Variants in PCDHGA1 observed in about 807,000 individuals in gnomAD.
PCDHGA1 encodes protocadherin gamma subfamily A, 1, also known as protocadherin gamma-A1.
In PCDHGA1, 32 loss-of-function variants were observed where a neutral mutation model predicts 58.0. The ratio of observed to expected loss-of-function variants is 0.55; its 90% CI spans 0.42 to 0.74. PCDHGA1 has a LOEUF of 0.74. PCDHGA1 is among the 30% of genes least tolerant of loss of function. The pLI is 0.00. For missense variants in PCDHGA1, 1,205 were observed against 1,182.3 expected, an observed-to-expected ratio of 1.02 and a Z score of -0.28; for synonymous variants, 498 against 501.1, an observed-to-expected ratio of 0.99 and a Z score of 0.08.
intron 1 of PCDHGA1, chr5:141,344,973 T>A: frequency 6.2e-7 from 1 of 1,613,876 alleles, no homozygotes; most frequent in East Asian, 2.2e-5. Flanking sequence ...GGATGCCATG[T>A]TCTATGAAAT....
chr5:141,361,957 G>A lies in PCDHGA1; in HGVS notation c.2421+28852G>A, dbSNP rs976081209. On this transcript the variant is annotated intron_variant, in intron 1 of 3. Transcript: ENST00000517417. The stretch of plus-strand genomic sequence containing the variant: ...ACACAACGCTTGGCTGTCCTACCAC[G>A]TGCTGCAGGCCAGCGAGCCCGGGCT... 15 of 1,603,004 alleles carry A rather than the reference G, an allele frequency of 9.4e-6. No homozygotes were observed. In the Admixed American group the frequency reaches 2.0e-4, roughly 22 times the overall value.
At chr5:141,460,177 T>C (rs1021646181) in intron 1 of PCDHGA1, among the ~76,000 whole-genome samples, 13 of 152,138 alleles carry the variant, frequency 8.5e-5, no homozygotes, top group African/African-American at 3.1e-4. Context: ...TTGTGGATAT[T>C]TTATCCCAGA....
intron 1 of PCDHGA1, chr5:141,427,653 G>A (rs1221862562): frequency 4.1e-6 from 3 of 725,570 alleles, no homozygotes; most frequent in Non-Finnish European, 4.9e-6. Flanking sequence ...CTCCTACGTG[G>A]TCCACGTGGC....
At chr5:141,472,729 T>G (rs2099294506) in intron 1 of PCDHGA1, among the ~76,000 whole-genome samples, 1 of 152,004 alleles carries the variant, frequency 6.6e-6, no homozygotes. Context: ...CTCACACCTG[T>G]AATCCCAGCA....
intron 1 of PCDHGA1, among the ~76,000 whole-genome samples, chr5:141,382,529 T>C (rs1778264328): frequency 6.6e-6 from 1 of 152,222 alleles, no homozygotes; most frequent in South Asian, 2.1e-4. Flanking sequence ...TGTCTTAAAA[T>C]GGATTTTTAA....
chr5:141,331,337 G>A lies in PCDHGA1; in HGVS notation c.653G>A (p.Gly218Asp), dbSNP rs1314403795. 5 of 1,614,030 alleles carry A rather than the reference G, an allele frequency of 3.1e-6. No homozygotes were observed. The African/African-American group carries it at 4.0e-5, about 13-fold the overall frequency. Residue 218 changes from glycine to aspartate, a missense_variant, in exon 1 of 4, where the codon GGT becomes GAT. Physicochemically the swap from Gly to Asp is moderately conservative, Grantham distance 94. Coordinates refer to ENST00000517417, the MANE Select transcript of PCDHGA1 (RefSeq NM_018912.3). ...HHLILTASDG[G>D]EPVRSGTLRI... Reference sequence around the variant, plus strand: ...CTCATCCTCACAGCTTCTGATGGGGGTGAACCAGTCCGTTCAGGGACCCTC... The same window carrying A: ...CTCATCCTCACAGCTTCTGATGGGGATGAACCAGTCCGTTCAGGGACCCTC...
chr5:141,485,358 G>T lies in PCDHGA1; in HGVS notation c.2422-9449G>T. 1.2e-6 allele frequency: 2 copies of T among 1,614,100 alleles called. No individual in the cohort carries two copies. Among genetic ancestry groups the T allele is most frequent in the Non-Finnish European group, 1.7e-6 (2 of 1,180,006 alleles). On this transcript the variant is annotated intron_variant, in intron 1 of 3. Coordinates refer to ENST00000517417, the MANE Select transcript of PCDHGA1 (RefSeq NM_018912.3). This position sits in a 1 kb window ranked among gnomAD's most constrained non-coding sequence, Gnocchi z 5.7. ...CTGGATACGGACAGTCTGTCAGCTC[G>T]CAGGCTGCAGGTCGCTGGAGAGGTG...
Position 141,491,349 on chromosome 5 carries a change from C to G in PCDHGA1, c.2422-3458C>G. 6.2e-7 allele frequency: 1 copy of G among 1,614,168 alleles called. No individual in the cohort carries two copies. Among genetic ancestry groups the G allele is most frequent in the Non-Finnish European group, 8.5e-7 (1 of 1,180,016 alleles). ...TTGTGGCTCTAGCGACCGTCAGTCT[C>G]TTATCCCTAGTCACCTTCACCTTTC... is the stretch of plus-strand genomic sequence containing the variant. On this transcript the variant is annotated intron_variant, in intron 1 of 3. Transcript: ENST00000517417. The surrounding 1 kb of genome is among the most constrained non-coding windows in gnomAD (Gnocchi z 6.9).
At chr5:141,429,378 T>TTTG (rs2097208019) in intron 1 of PCDHGA1, among the ~76,000 whole-genome samples, 1 of 105,336 alleles carries the variant, frequency 9.5e-6, no homozygotes, top group African/African-American at 5.2e-5. Flanking sequence ...AGAAAATGTG[T>TTTG]TTTTTTTTTA....
At chr5:141,453,311 A>C (rs2098762053) in intron 1 of PCDHGA1, among the ~76,000 whole-genome samples, 1 of 151,602 alleles carries the variant, frequency 6.6e-6, no homozygotes, top group African/African-American at 2.4e-5. Flanking sequence ...TTATTTATTT[A>C]TTTTAGAGAT....
At chr5:141,404,472 T>C in intron 1 of PCDHGA1, 1 of 1,613,692 alleles carries the variant, frequency 6.2e-7, no homozygotes, top group Non-Finnish European at 8.5e-7. Context: ...TATGTCTCTA[T>C]TAACTCAGAC....
Position 141,432,038 on chromosome 5 carries a change from C to A in PCDHGA1, c.2422-62769C>A. On this transcript the variant is annotated intron_variant, in intron 1 of 3. Transcript: ENST00000517417. The surrounding 1 kb of genome is among the most constrained non-coding windows in gnomAD (Gnocchi z 6.0). ...CAACATCACAGTGACCGCCACTGAC[C>A]GGGGAACCCCGCCCCTATCCACGGA... 1 of 1,614,190 alleles carries A rather than the reference C, an allele frequency of 6.2e-7. No homozygotes were observed. The highest frequency in any genetic ancestry group is 1.1e-5 in the South Asian group (1 of 91,072).
chr5:141,408,743 A>G (rs764671808), intron 1 of PCDHGA1: 13 of 1,610,030 alleles, frequency 8.1e-6, no homozygotes, highest in African/African-American at 2.7e-5. Flanking sequence ...TTTTTCATTA[A>G]TGGTTAGAGT....
At chr5:141,434,193 T>C (rs2097677103) in intron 1 of PCDHGA1, among the ~76,000 whole-genome samples, 1 of 152,246 alleles carries the variant, frequency 6.6e-6, no homozygotes, top group Non-Finnish European at 1.5e-5. Flanking sequence ...GTAATTCCAA[T>C]GTACTTACTT....
At position 141,485,342 on chromosome 5, in the gene PCDHGA1, G is replaced by A; in HGVS notation, c.2422-9465G>A. On this transcript the variant is annotated intron_variant, in intron 1 of 3. Coordinates refer to ENST00000517417, the MANE Select transcript of PCDHGA1 (RefSeq NM_018912.3). The surrounding 1 kb of genome is among the most constrained non-coding windows in gnomAD (Gnocchi z 5.7). ...CGCTCAAGATTTCCTGCTGGATACG[G>A]ACAGTCTGTCAGCTCGCAGGCTGCA... 1 of 1,614,164 alleles carries A rather than the reference G, an allele frequency of 6.2e-7. No homozygotes were observed. The highest frequency in any genetic ancestry group is 8.5e-7 in the Non-Finnish European group (1 of 1,180,026).
chr5:141,423,184 C>A (rs747938944), intron 1 of PCDHGA1: 1 of 1,613,442 alleles, frequency 6.2e-7, no homozygotes, highest in South Asian at 1.1e-5. Flanking sequence ...CCACGGCCAG[C>A]CCCCTCTCTC....
intron 1 of PCDHGA1, chr5:141,340,641 A>G: frequency 1.2e-6 from 2 of 1,614,194 alleles, no homozygotes; most frequent in Middle Eastern, 1.6e-4. Flanking sequence ...GACCAGAACG[A>G]CAACGCGCCC....
chr5:141,351,324 A>T (rs1474288372), intron 1 of PCDHGA1: 1 of 1,613,722 alleles, frequency 6.2e-7, no homozygotes, highest in Non-Finnish European at 8.5e-7. Flanking sequence ...ATTCCAGAGG[A>T]TTCAGACCTT....
chr5:141,432,649 A>C lies in PCDHGA1; in HGVS notation c.2422-62158A>C, dbSNP rs769351399. The C allele has an allele frequency of 5.6e-6, 9 of 1,613,742 alleles. No individual in the cohort carries two copies. The highest frequency in any genetic ancestry group is 6.8e-6 in the Non-Finnish European group (8 of 1,179,918). ...ACACGGGCGAGGTGCGCACGGCGCG[A>C]GCCCTGCTGGACAGAGACGCGCTCA... is the stretch of plus-strand genomic sequence containing the variant. On this transcript the variant is annotated intron_variant, in intron 1 of 3. Transcript: ENST00000517417. This position sits in a 1 kb window ranked among gnomAD's most constrained non-coding sequence, Gnocchi z 6.0.
Sources: gnomAD v4.1 joint callset for allele counts (sites outside exome capture counted in the v4.1 genomes callset) on GRCh38, gnomAD v4.1.1 for gene constraint, Gnocchi (gnomAD v3.1) non-coding constraint, MANE v1.5 for transcripts, NCBI Gene and HGNC (gene_info 2026-07-23, HGNC 2026-07-21) for gene names.